The following RALYL variants were observed in gnomAD, a reference collection of about 807,000 sequenced individuals.
The protein encoded by RALYL is RNA-binding Raly-like protein.
RALYL carries 29 observed loss-of-function variants against 35.1 expected under a neutral mutation model. That is an observed-to-expected ratio of 0.83 (90% CI 0.61 to 1.13). RALYL has a LOEUF of 1.13. RALYL is among the 50% of genes most tolerant of loss of function. The pLI, the probability that RALYL is intolerant of heterozygous loss-of-function variation, is 0.00. For synonymous variants in RALYL, 120 were observed against 127.6 expected, an observed-to-expected ratio of 0.94 and a Z score of 0.40; for missense variants, 359 against 360.4, an observed-to-expected ratio of 1.00 and a Z score of 0.03.
At chr8:84,407,399 C>T (rs2043649509) in intron 1 of RALYL, among the ~76,000 whole-genome samples, 1 of 152,112 alleles carries the variant, frequency 6.6e-6, no homozygotes, top group African/African-American at 2.4e-5. Context: ...AGATTTCAAA[C>T]ATGCAAAAGT....
chr8:84,773,640 T>C (rs1336670842), intron 2 of RALYL, among the ~76,000 whole-genome samples: 9 of 152,196 alleles, frequency 5.9e-5, no homozygotes, highest in African/African-American at 2.2e-4. Flanking sequence ...ATTTTCAGTT[T>C]ATGAAGGCAA....
chr8:84,561,730 A>G (rs1326846252), intron 2 of RALYL, among the ~76,000 whole-genome samples: 1 of 151,964 alleles, frequency 6.6e-6, no homozygotes, highest in East Asian at 1.9e-4. Context: ...CTAAGAGACT[A>G]ACGGGCATGT....
rs545485789 is a variant in RALYL, at chr8:84,289,193, C to T, written c.-24+104769C>T. ...CAAAATTGGGAAACAGCAGCACTAT[C>T]TCCCTTGATGTTTACATTTGAAAGA... On this transcript the variant is annotated intron_variant, in intron 1 of 8. Transcript: ENST00000521268. 5.3e-5 allele frequency among the ~76,000 whole-genome samples: 8 copies of T among 152,298 alleles called. No homozygotes were observed. In the East Asian group the frequency reaches 1.2e-3, roughly 22 times the overall value.
chr8:84,767,740 C>T (rs1299276819), intron 2 of RALYL, among the ~76,000 whole-genome samples: 3 of 152,124 alleles, frequency 2.0e-5, no homozygotes, highest in East Asian at 1.9e-4. Context: ...TGCACCCAAA[C>T]ATAAATAAGT....
At chr8:84,679,196 A>C (rs1834844721) in intron 2 of RALYL, 2 of 195,748 alleles carry the variant, frequency 1.0e-5, no homozygotes, top group East Asian at 3.0e-4. Context: ...ACATTGAGGC[A>C]GGGATGAAAT....
intron 1 of RALYL, among the ~76,000 whole-genome samples, chr8:84,267,604 T>G (rs2131891929): frequency 6.6e-6 from 1 of 152,320 alleles, no homozygotes. Flanking sequence ...CTTGCCTATG[T>G]TAAGTTCTTT....
intron 1 of RALYL, among the ~76,000 whole-genome samples, chr8:84,521,189 G>A (rs1339499601): frequency 6.6e-6 from 1 of 152,292 alleles, no homozygotes; most frequent in East Asian, 1.9e-4. Context: ...CTTATAAGAA[G>A]TGGAAGAGAG....
At chr8:84,278,252 C>T (rs1010635448) in intron 1 of RALYL, among the ~76,000 whole-genome samples, 1 of 152,226 alleles carries the variant, frequency 6.6e-6, no homozygotes, top group Non-Finnish European at 1.5e-5. Flanking sequence ...TGAGCAATGG[C>T]CTGAGCTGTA....
intron 4 of RALYL, among the ~76,000 whole-genome samples, chr8:84,810,172 G>T (rs917640887): frequency 6.6e-6 from 1 of 152,064 alleles, no homozygotes; most frequent in African/African-American, 2.4e-5. Context: ...CAGAGGTTTT[G>T]ATAGGTTGTG....
intron 2 of RALYL, among the ~76,000 whole-genome samples, chr8:84,739,175 T>C (rs1243402110): frequency 6.6e-6 from 1 of 152,012 alleles, no homozygotes; most frequent in Non-Finnish European, 1.5e-5. Context: ...ATTTAGATTA[T>C]TGTATTTGGC....
intron 3 of RALYL, among the ~76,000 whole-genome samples, chr8:84,797,364 T>C (rs1822186392): frequency 1.3e-5 from 2 of 152,342 alleles, no homozygotes; most frequent in African/African-American, 4.8e-5. Context: ...CAGCACTGTG[T>C]GGCTTTAAAC....
chr8:84,742,491 A>T (rs1024102823), intron 2 of RALYL, among the ~76,000 whole-genome samples: 3 of 151,986 alleles, frequency 2.0e-5, no homozygotes, highest in Non-Finnish European at 4.4e-5. Flanking sequence ...AAAGTTAACT[A>T]TATGCCAAAA....
intron 1 of RALYL, among the ~76,000 whole-genome samples, chr8:84,260,907 T>C (rs551875939): frequency 1.3e-5 from 2 of 152,330 alleles, no homozygotes; most frequent in African/African-American, 4.8e-5. Context: ...ACAGTTATGC[T>C]TTACTATTTA....
intron 2 of RALYL, among the ~76,000 whole-genome samples, chr8:84,565,397 A>G (rs2061714157): frequency 6.6e-6 from 1 of 151,554 alleles, no homozygotes; most frequent in Non-Finnish European, 1.5e-5. Context: ...CTCAACAGGA[A>G]ATATTTATCT....
chr8:84,437,257 T>C (rs1330336903), intron 1 of RALYL, among the ~76,000 whole-genome samples: 1 of 152,200 alleles, frequency 6.6e-6, no homozygotes, highest in Non-Finnish European at 1.5e-5. Flanking sequence ...ATTTTCTTCA[T>C]GCAATCCACC....
chr8:84,383,826 T>G (rs1249706085), intron 1 of RALYL, among the ~76,000 whole-genome samples: 1 of 147,664 alleles, frequency 6.8e-6, no homozygotes, highest in Non-Finnish European at 1.5e-5. Flanking sequence ...AGGTGTCAAG[T>G]CTGGATAAAT....
At chr8:84,793,675 T>A (rs1821303404) in intron 3 of RALYL, among the ~76,000 whole-genome samples, 1 of 152,184 alleles carries the variant, frequency 6.6e-6, no homozygotes, top group East Asian at 1.9e-4. Context: ...CAGGAGTAGA[T>A]AATATTCAAT....
At chr8:84,320,792 C>T (rs1844659793) in intron 1 of RALYL, among the ~76,000 whole-genome samples, 1 of 152,012 alleles carries the variant, frequency 6.6e-6, no homozygotes, top group Non-Finnish European at 1.5e-5. Flanking sequence ...GAACTAAAAA[C>T]TAAAATATAG....
chr8:84,405,176 G>A (rs971794526), intron 1 of RALYL, among the ~76,000 whole-genome samples: 1 of 152,090 alleles, frequency 6.6e-6, no homozygotes, highest in African/African-American at 2.4e-5. Context: ...TGATAATAAA[G>A]ACACAACATA....
Sources: allele counts gnomAD v4.1 joint callset (sites outside exome capture counted in the v4.1 genomes callset), GRCh38; gene constraint gnomAD v4.1.1; transcripts MANE v1.5; gene names NCBI Gene and HGNC (gene_info 2026-07-23, HGNC 2026-07-21).